Variants in NPHP4 observed in about 807,000 individuals in gnomAD.
NPHP4 encodes the protein nephrocystin 4, also known as nephrocystin-4.
NPHP4 carries 151 observed loss-of-function variants against 155.8 expected under a neutral mutation model. That is an observed-to-expected ratio of 0.97 (90% CI 0.85 to 1.11). The LOEUF is 1.11. NPHP4 is among the 50% of genes least tolerant of loss of function. NPHP4 has a pLI of 0.00. For synonymous variants in NPHP4, 845 were observed against 816.8 expected (o/e 1.03, Z -0.59); for missense variants, 1,956 against 1,925.7 (o/e 1.02, Z -0.29).
At chr1:5,955,553 C>G (rs1456304960) in intron 6 of NPHP4, among the ~76,000 whole-genome samples, 1 of 152,244 alleles carries the variant, frequency 6.6e-6, no homozygotes, top group Non-Finnish European at 1.5e-5. Context: ...CTTACGCAAC[C>G]ACGATCAAAG....
chr1:5,926,385 G>A (rs563535827), intron 11 of NPHP4, among the ~76,000 whole-genome samples: 1 of 152,300 alleles, frequency 6.6e-6, no homozygotes, highest in African/African-American at 2.4e-5. Flanking sequence ...GTACTTTTAA[G>A]TAACTTAATC....
chr1:5,890,979 CT>C lies in NPHP4; in HGVS notation c.2192del (p.Lys731SerfsTer37). Reference protein sequence around the residue: ...LRYMVGPGFLKPGERRCFARY... With the variant: ...LRYMVGPGFLXPGERRCFARY... ...GGGCAAAGCAGCGCCGCTCACCTGGCTTCAGGAACCCAGGGCCCACCATGTA... is the reference window on the plus strand; with the variant it reads ...GGGCAAAGCAGCGCCGCTCACCTGGCTCAGGAACCCAGGGCCCACCATGTA... On this transcript the variant is annotated frameshift_variant, in exon 17 of 30. Transcript: ENST00000378156. LOFTEE classifies it high-confidence loss of function. This position sits in a 1 kb window ranked among gnomAD's most constrained non-coding sequence, Gnocchi z 4.9. The C allele has an allele frequency of 6.3e-7, 1 of 1,586,228 alleles. No individual in the cohort carries two copies. The highest frequency in any genetic ancestry group is 8.6e-7 in the Non-Finnish European group (1 of 1,158,722).
chr1:5,896,182 G>C (rs1240772939), intron 16 of NPHP4, among the ~76,000 whole-genome samples: 1 of 152,236 alleles, frequency 6.6e-6, no homozygotes, highest in African/African-American at 2.4e-5. Context: ...TTAGGAGGCT[G>C]GGCAGGGGGA....
In NPHP4 at chr1:5,875,033, G is replaced by C; in HGVS notation, c.2885C>G (p.Thr962Arg). The C allele has an allele frequency of 6.2e-7, 1 of 1,609,788 alleles. No individual in the cohort carries two copies. Among genetic ancestry groups the C allele is most frequent in the Non-Finnish European group, 8.5e-7 (1 of 1,179,836 alleles). ...CAGGCTGGCGATGCTCTCGGCCTTC[G>C]TGCGTTCCCGGTAGGCGGCGATGAC... Reference protein sequence around the residue: ...LQVIAAYRERTKAESIASLLS... With the variant: ...LQVIAAYRERRKAESIASLLS... Residue 962 changes from threonine to arginine, a missense_variant, in exon 21 of 30, where the codon ACG becomes AGG. Coordinates refer to ENST00000378156, the MANE Select transcript of NPHP4 (RefSeq NM_015102.5).
Position 5,967,286 on chromosome 1 carries a change from G to C in NPHP4, c.517+13C>G, listed in dbSNP as rs775413559. ...GAGCAGTGAGTGCTGCCAAGGCCAG[G>C]TCTGGCTCTTACGCTCTGCGGGGTC... On this transcript the variant is annotated intron_variant, in intron 5 of 29. Coordinates refer to ENST00000378156, the MANE Select transcript of NPHP4 (RefSeq NM_015102.5). 2 of 1,595,054 alleles carry C rather than the reference G, an allele frequency of 1.3e-6. No homozygotes were observed. The highest frequency in any genetic ancestry group is 1.7e-6 in the Non-Finnish European group (2 of 1,170,990).
At chr1:5,919,226 C>G (rs959680900) in intron 11 of NPHP4, among the ~76,000 whole-genome samples, 2 of 152,190 alleles carry the variant, frequency 1.3e-5, no homozygotes, top group African/African-American at 4.8e-5. Flanking sequence ...ATTGTAGAAA[C>G]AGAAATCCCA....
rs145975783 is a variant in NPHP4 at position 5,926,784 on chromosome 1, G to A, written c.1441+865C>T. ...GAAAGCAACTCCTCCCTCGACACCC[G>A]GGCATCACCAGCTGGAGCCCAGAGG... On this transcript the variant is annotated intron_variant, in intron 11 of 29. Transcript: ENST00000378156. Among the ~76,000 whole-genome samples, 308 of 152,236 alleles carry A rather than the reference G, an allele frequency of 2.0e-3. 1 individual carries two copies. The highest frequency in any genetic ancestry group is 7.2e-3 in the African/African-American group (298 of 41,528).
At chr1:5,871,574 T>C (rs1449370936) in intron 23 of NPHP4, among the ~76,000 whole-genome samples, 1 of 152,226 alleles carries the variant, frequency 6.6e-6, no homozygotes, top group African/African-American at 2.4e-5. Context: ...GACTGCAATT[T>C]CACCATTTTC....
intron 19 of NPHP4, among the ~76,000 whole-genome samples, 190 bp downstream of exon 19, chr1:5,879,924 G>A (rs1016009105): frequency 3.5e-5 from 5 of 144,856 alleles, no homozygotes; most frequent in South Asian, 2.2e-4. Flanking sequence ...CCTCTCACAC[G>A]CCATTCATGA....
chr1:5,924,420 A>G (rs912749474), intron 11 of NPHP4, among the ~76,000 whole-genome samples: 3 of 152,066 alleles, frequency 2.0e-5, no homozygotes, highest in African/African-American at 7.2e-5. Flanking sequence ...TCAGTTAAAG[A>G]ATCATTCTGG....
intron 23 of NPHP4, among the ~76,000 whole-genome samples, chr1:5,869,085 CCA>C (rs529985462): frequency 1.9e-3 from 245 of 127,858 alleles, no homozygotes; most frequent in African/African-American, 6.2e-3. Flanking sequence ...ATGCATGCAC[CCA>C]CACATGCACA....
At chr1:5,865,594 A>C in intron 26 of NPHP4, 20 of 257,900 alleles carry the variant, frequency 7.8e-5, no homozygotes, top group East Asian at 1.4e-4. Flanking sequence ...CCAAACACAC[A>C]TCCTGGACAA....
At chr1:5,938,918 TACATTTTCTAGAATTTG>T (rs796134164) in intron 9 of NPHP4, among the ~76,000 whole-genome samples, 21 of 152,378 alleles carry the variant, frequency 1.4e-4, no homozygotes, top group African/African-American at 5.0e-4. Context: ...ATAGGAATGT[TACATTTTCTAGAATTTG>T]ACATTTTCAT....
intron 7 of NPHP4, among the ~76,000 whole-genome samples, chr1:5,949,624 G>A (rs754457363): frequency 3.3e-5 from 5 of 151,976 alleles, no homozygotes; most frequent in East Asian, 1.9e-4. Context: ...TGGCAAGGGC[G>A]GGGAACAGCA....
intron 6 of NPHP4, among the ~76,000 whole-genome samples, chr1:5,955,129 G>A (rs193091355): frequency 7.5e-4 from 114 of 152,028 alleles, no homozygotes; most frequent in African/African-American, 2.6e-3. Flanking sequence ...CACAGGAAAC[G>A]ATGCTCAGCC....
In NPHP4 at chr1:5,910,080, T is replaced by C. The variant is rs996159057; in HGVS notation, c.1442-867A>G. On this transcript the variant is annotated intron_variant, in intron 11 of 29. Coordinates refer to ENST00000378156, the MANE Select transcript of NPHP4 (RefSeq NM_015102.5). The surrounding 1 kb of genome is among the most constrained non-coding windows in gnomAD (Gnocchi z 5.4). ...TGCCACAGCGGTGCTGGAGCGTCCATAGCCACTCGTCTCTTACGGTCATTT... is the reference window on the plus strand; with the variant it reads ...TGCCACAGCGGTGCTGGAGCGTCCACAGCCACTCGTCTCTTACGGTCATTT... 3.9e-5 allele frequency among the ~76,000 whole-genome samples: 6 copies of C among 152,218 alleles called. No homozygotes were observed. Among genetic ancestry groups the C allele is most frequent in the African/African-American group, 1.2e-4 (5 of 41,454 alleles).
rs762284065 is a variant in NPHP4, at chr1:5,967,313, T to C, written c.503A>G (p.Gln168Arg). 12 of 1,605,498 alleles carry C rather than the reference T, an allele frequency of 7.5e-6. No homozygotes were observed. In the Admixed American group the frequency reaches 2.0e-4, roughly 27 times the overall value. ...TPRALLHPLL[Q>R]DPAEQNRHMT... ...CTGGCTCTTACGCTCTGCGGGGTCC[T>C]GGAGAAGCGGGTGCAGGAGGGCTCT... Residue 168 changes from glutamine to arginine, a missense_variant, in exon 5 of 30, where the codon CAG becomes CGG. Gln to Arg is a conservative substitution (Grantham distance 43). Transcript: ENST00000378156.
intron 16 of NPHP4, among the ~76,000 whole-genome samples, chr1:5,902,568 T>C (rs1320256304): frequency 6.6e-6 from 1 of 152,224 alleles, no homozygotes; most frequent in Non-Finnish European, 1.5e-5. Context: ...CGTTCTATTG[T>C]TTTGTCTTCT....
chr1:5,966,174 C>T (rs1261269602), intron 5 of NPHP4, among the ~76,000 whole-genome samples: 1 of 152,206 alleles, frequency 6.6e-6, no homozygotes, highest in Non-Finnish European at 1.5e-5. Context: ...AACCTCATCA[C>T]TCTTCAGCTG....
Sources: allele counts gnomAD v4.1 joint callset (sites outside exome capture counted in the v4.1 genomes callset), GRCh38; gene constraint gnomAD v4.1.1; non-coding constraint Gnocchi (gnomAD v3.1); transcripts MANE v1.5; gene names NCBI Gene and HGNC (gene_info 2026-07-23, HGNC 2026-07-21).